ARHGAP10: variants seen among roughly 807,000 people sequenced by gnomAD.
ARHGAP10 encodes the protein Rho GTPase activating protein 10.
Under a neutral mutation model 108.6 loss-of-function variants are expected in ARHGAP10, and 87 were observed. The observed-to-expected ratio is 0.80, with a 90% CI of 0.67 to 0.96. The LOEUF (loss-of-function observed/expected upper bound fraction) is 0.96. Among genes scored for constraint, ARHGAP10 ranks in the 40% least tolerant of loss-of-function variants. The pLI is 0.00. For missense variants in ARHGAP10, 939 were observed against 954.5 expected, an observed-to-expected ratio of 0.98 and a Z score of 0.21; for synonymous variants, 347 against 341.1, an observed-to-expected ratio of 1.02 and a Z score of -0.19.
intron 3 of ARHGAP10, among the ~76,000 whole-genome samples, chr4:147,840,850 A>T (rs1165534610): frequency 6.6e-6 from 1 of 152,054 alleles, no homozygotes; most frequent in African/African-American, 2.4e-5. Flanking sequence ...TTCCTTCCCA[A>T]CTTCTGATTG....
At chr4:147,808,419 G>C (rs544645338) in intron 1 of ARHGAP10, among the ~76,000 whole-genome samples, 1 of 152,222 alleles carries the variant, frequency 6.6e-6, no homozygotes, top group South Asian at 2.1e-4. Context: ...GCAGAGGTCA[G>C]ATCATGCAGG....
At chr4:147,829,917 G>C (rs1419881653) in intron 3 of ARHGAP10, among the ~76,000 whole-genome samples, 1 of 152,206 alleles carries the variant, frequency 6.6e-6, no homozygotes, top group Non-Finnish European at 1.5e-5. Flanking sequence ...CAGAGGTTCA[G>C]GAAAACTGCG....
At position 147,966,706 on chromosome 4, in the gene ARHGAP10, T is replaced by C; in HGVS notation, c.1583T>C (p.Leu528Pro). 1 of 1,592,158 alleles carries C rather than the reference T, an allele frequency of 6.3e-7. No individual in the cohort carries two copies. ...GTTTCAAATCACTCCAAGCAGAACC[T>C]GATGACTGTGGCAAACTTAGGAGTG... Reference protein sequence around the residue: ...TNVSNHSKQNLMTVANLGVVF... With the variant: ...TNVSNHSKQNPMTVANLGVVF... Residue 528 changes from leucine (L) to proline (P), a missense_variant, in exon 18 of 23, where the codon CTG becomes CCG. Transcript: ENST00000336498.
At chr4:147,953,644 T>C (rs201010898) in intron 15 of ARHGAP10, among the ~76,000 whole-genome samples, 1 of 14,288 alleles carries the variant, frequency 7.0e-5, no homozygotes. Flanking sequence ...TTTCTCTCTT[T>C]TATTTCCTAA....
chr4:147,941,079 T>A (rs976064426), intron 14 of ARHGAP10, among the ~76,000 whole-genome samples: 1 of 152,186 alleles, frequency 6.6e-6, no homozygotes, highest in Non-Finnish European at 1.5e-5. Flanking sequence ...TTAATGGGAG[T>A]ACAGCATCTG....
chr4:147,977,757 T>C (rs1020374359), intron 18 of ARHGAP10, among the ~76,000 whole-genome samples: 15 of 152,192 alleles, frequency 9.9e-5, no homozygotes, highest in Non-Finnish European at 1.8e-4. Flanking sequence ...GTCACCCATA[T>C]GGTGAACATA....
chr4:147,914,039 C>G (rs963492547), intron 13 of ARHGAP10, among the ~76,000 whole-genome samples: 6 of 152,106 alleles, frequency 3.9e-5, no homozygotes, highest in Non-Finnish European at 7.4e-5. Context: ...ATAATCGCGG[C>G]TACTCGGGAG....
At chr4:147,891,208 C>G (rs755224304) in intron 10 of ARHGAP10, among the ~76,000 whole-genome samples, 30 of 151,930 alleles carry the variant, frequency 2.0e-4, no homozygotes, top group Non-Finnish European at 3.7e-4. Flanking sequence ...TTATAATAGC[C>G]AAAAAATAGA....
At chr4:147,904,289 A>T (rs1009093626) in intron 10 of ARHGAP10, among the ~76,000 whole-genome samples, 1 of 152,002 alleles carries the variant, frequency 6.6e-6, no homozygotes, top group Non-Finnish European at 1.5e-5. Flanking sequence ...TGTGCAGGTT[A>T]GTTACATATG....
chr4:147,899,126 A>G (rs1376226387), intron 10 of ARHGAP10, among the ~76,000 whole-genome samples: 1 of 152,168 alleles, frequency 6.6e-6, no homozygotes, highest in African/African-American at 2.4e-5. Flanking sequence ...TGAGCGCTTG[A>G]GGTCCCACGG....
chr4:148,021,897 TA>T (rs1011444874), intron 18 of ARHGAP10, among the ~76,000 whole-genome samples: 4 of 152,248 alleles, frequency 2.6e-5, no homozygotes, highest in African/African-American at 9.6e-5. Flanking sequence ...AATCATTTTT[TA>T]AAAATTTCAT....
In ARHGAP10 at chr4:147,906,707, T is replaced by C. The variant is rs757230994; in HGVS notation, c.1104T>C (p.Gly368=). 1 of 1,614,110 alleles carries C rather than the reference T, an allele frequency of 6.2e-7. No individual in the cohort carries two copies. Residue 368 remains glycine (G), a synonymous_variant, in exon 11 of 23, where the codon GGT becomes GGC. Transcript: ENST00000336498. ...EERKQWLEAL[G]GKEALSHSFN... ...GGAAGCAGTGGTTGGAAGCTCTGGG[T>C]GGAAAGGAAGCTGTAAGAATAATCA...
At chr4:147,753,355 C>CT (rs36025529) in intron 1 of ARHGAP10, among the ~76,000 whole-genome samples, 104,035 of 145,708 alleles carry the variant, frequency 0.71, 41,807 homozygotes, top group Non-Finnish European at 0.88. Context: ...CTTTTCTTTT[C>CT]TTTTTTTTTT....
chr4:147,747,213 A>G (rs1467070719), intron 1 of ARHGAP10, among the ~76,000 whole-genome samples: 2 of 151,588 alleles, frequency 1.3e-5, no homozygotes, highest in Non-Finnish European at 2.9e-5. Context: ...CACCGGAGTC[A>G]TGCTGATTCT....
intron 22 of ARHGAP10, among the ~76,000 whole-genome samples, chr4:148,067,581 G>C (rs1386451655): frequency 6.6e-6 from 1 of 152,212 alleles, no homozygotes; most frequent in Non-Finnish European, 1.5e-5. Flanking sequence ...GAATGCCCAA[G>C]ACATTTTTCC....
chr4:147,824,540 A>C (rs760069038), intron 3 of ARHGAP10, among the ~76,000 whole-genome samples: 1 of 152,144 alleles, frequency 6.6e-6, no homozygotes, highest in Non-Finnish European at 1.5e-5. Context: ...TAAAGGAAAG[A>C]GGTTTAATTG....
At chr4:148,016,475 C>A (rs1188058464) in intron 18 of ARHGAP10, among the ~76,000 whole-genome samples, 1 of 151,988 alleles carries the variant, frequency 6.6e-6, no homozygotes, top group Non-Finnish European at 1.5e-5. Context: ...TGCGCTCTAT[C>A]TTGGGCAATT....
intron 22 of ARHGAP10, 60 bp downstream of exon 22, chr4:148,064,567 C>G: frequency 6.8e-7 from 1 of 1,472,584 alleles, no homozygotes; most frequent in Non-Finnish European, 9.5e-7. Flanking sequence ...AAGTCTGCAG[C>G]ATGGAGTGAG....
chr4:147,996,721 C>A (rs773898691), intron 18 of ARHGAP10, among the ~76,000 whole-genome samples: 6 of 152,202 alleles, frequency 3.9e-5, no homozygotes, highest in Non-Finnish European at 8.8e-5. Context: ...GAAGCCCTAA[C>A]TTTAACCATT....
Sources: allele counts gnomAD v4.1 joint callset (sites outside exome capture counted in the v4.1 genomes callset), GRCh38; gene constraint gnomAD v4.1.1; transcripts MANE v1.5; gene names NCBI Gene and HGNC (gene_info 2026-07-23, HGNC 2026-07-21).